Variants in ZMIZ1 observed in about 807,000 individuals in gnomAD.
The protein encoded by ZMIZ1 is zinc finger MIZ-type containing 1, also known as zinc finger MIZ domain-containing protein 1.
A neutral mutation model predicts 113.9 loss-of-function variants in ZMIZ1; 17 were observed. The observed-to-expected ratio is 0.15, with a 90% CI of 0.10 to 0.22. ZMIZ1 has a LOEUF of 0.22. Among genes scored for constraint, ZMIZ1 ranks in the 10% least tolerant of loss-of-function variants. ZMIZ1 has a pLI of 1.00. For missense variants in ZMIZ1, 1,059 were observed against 1,477.8 expected (o/e 0.72, Z 4.65); for synonymous variants, 607 against 603.1 (o/e 1.01, Z -0.09).
At chr10:79,274,619 G>A (rs966043451) in intron 7 of ZMIZ1, among the ~76,000 whole-genome samples, 1 of 135,134 alleles carries the variant, frequency 7.4e-6, no homozygotes, top group Non-Finnish European at 1.7e-5. Flanking sequence ...CCCGCATGCG[G>A]CTGCCAGCGT....
intron 4 of ZMIZ1, among the ~76,000 whole-genome samples, chr10:79,164,997 TA>T (rs1337382038): frequency 5.3e-5 from 8 of 151,642 alleles, no homozygotes; most frequent in Non-Finnish European, 2.9e-5. Context: ...TGCATGGACA[TA>T]GGGGCACTGA....
intron 4 of ZMIZ1, among the ~76,000 whole-genome samples, chr10:79,183,656 C>A (rs1455012814): frequency 6.6e-6 from 1 of 152,218 alleles, no homozygotes; most frequent in Non-Finnish European, 1.5e-5. Context: ...TAGCAATGCC[C>A]TTGGCTGTGT....
rs1854126830 is a variant in ZMIZ1 at position 79,299,200 on chromosome 10, CAGGGCAGG to C, written c.1808+10_1808+17del. 6.3e-7 allele frequency: 1 copy of C among 1,599,532 alleles called. No homozygotes were observed. The highest frequency in any genetic ancestry group is 8.5e-7 in the Non-Finnish European group (1 of 1,177,108). The stretch of plus-strand genomic sequence containing the variant: ...CAGACGCTGATGTGGAGGTGCGTGT[CAGGGCAGG>C]GGCGCCAGCCCAGGCGGGATGAAGG... On this transcript the variant is annotated intron_variant, in intron 16 of 24. Coordinates refer to ENST00000334512, the MANE Select transcript of ZMIZ1 (RefSeq NM_020338.4).
At chr10:79,133,910 T>C (rs1844880785) in intron 2 of ZMIZ1, among the ~76,000 whole-genome samples, 2 of 152,248 alleles carry the variant, frequency 1.3e-5, no homozygotes, top group African/African-American at 4.8e-5. Context: ...CTAATTACCA[T>C]TCATTTTGCA....
intron 7 of ZMIZ1, among the ~76,000 whole-genome samples, chr10:79,266,132 C>T (rs1851588091): frequency 6.6e-6 from 1 of 152,232 alleles, no homozygotes; most frequent in South Asian, 2.1e-4. Context: ...GCAGTGCCCA[C>T]CCCCTGTCTT....
chr10:79,097,253 C>T (rs185031490), intron 1 of ZMIZ1, among the ~76,000 whole-genome samples: 42 of 152,350 alleles, frequency 2.8e-4, no homozygotes, highest in African/African-American at 9.6e-4. Context: ...TTCTGCCTCC[C>T]ACCGGCCACC....
At chr10:79,131,981 C>CT (rs1298488393) in intron 2 of ZMIZ1, among the ~76,000 whole-genome samples, 1 of 152,198 alleles carries the variant, frequency 6.6e-6, no homozygotes, top group African/African-American at 2.4e-5. Context: ...GCTGAAAGAC[C>CT]TTTGAGCACT....
At chr10:79,181,350 T>C (rs1308926923) in intron 4 of ZMIZ1, among the ~76,000 whole-genome samples, 1 of 152,234 alleles carries the variant, frequency 6.6e-6, no homozygotes, top group African/African-American at 2.4e-5. Context: ...GGTGAGCGGC[T>C]GGGCAGATGC....
intron 7 of ZMIZ1, among the ~76,000 whole-genome samples, chr10:79,225,892 C>G (rs2132756497): frequency 6.6e-6 from 1 of 152,320 alleles, no homozygotes. Flanking sequence ...CATTTCTCTG[C>G]CTTCACGGCT....
chr10:79,261,519 T>A (rs937662107), intron 7 of ZMIZ1, among the ~76,000 whole-genome samples: 9 of 152,192 alleles, frequency 5.9e-5, no homozygotes, highest in Admixed American at 4.6e-4. Flanking sequence ...GAACTGCAGA[T>A]GGCCCAGGCT....
Position 79,118,064 on chromosome 10 carries a change from A to G in ZMIZ1, c.-336-851A>G, listed in dbSNP as rs1339937753. ...CCACACAGCCTCCATCCCTGAGGAG[A>G]TTTGGACTTCACTCCAGCCTTGCCT... On this transcript the variant is annotated intron_variant, in intron 1 of 24. Transcript: ENST00000334512. This position sits in a 1 kb window ranked among gnomAD's most constrained non-coding sequence, Gnocchi z 4.1. 6.6e-6 allele frequency among the ~76,000 whole-genome samples: 1 copy of G among 152,142 alleles called. No individual in the cohort carries two copies. The highest frequency in any genetic ancestry group is 1.9e-4 in the East Asian group (1 of 5,190).
chr10:79,104,500 A>G (rs1026015100), intron 1 of ZMIZ1, among the ~76,000 whole-genome samples: 1 of 152,210 alleles, frequency 6.6e-6, no homozygotes, highest in African/African-American at 2.4e-5. Flanking sequence ...GGTACAATAG[A>G]CGTCACTGAG....
At chr10:79,207,421 T>G (rs967261552) in intron 5 of ZMIZ1, among the ~76,000 whole-genome samples, 2 of 152,204 alleles carry the variant, frequency 1.3e-5, no homozygotes, top group Admixed American at 1.3e-4. Flanking sequence ...CCACATCTTT[T>G]GTCTCCTGGA....
intron 24 of ZMIZ1, among the ~76,000 whole-genome samples, chr10:79,311,695 A>T (rs1855179507): frequency 6.6e-6 from 1 of 151,970 alleles, no homozygotes; most frequent in African/African-American, 2.4e-5. Flanking sequence ...GTGGGGGCAG[A>T]GGGGGCAGCC....
intron 7 of ZMIZ1, among the ~76,000 whole-genome samples, chr10:79,270,144 G>GC (rs1195856432): frequency 2.0e-5 from 3 of 152,220 alleles, no homozygotes; most frequent in Non-Finnish European, 2.9e-5. Flanking sequence ...AGGACCAGCT[G>GC]CCCCGGCATC....
intron 7 of ZMIZ1, among the ~76,000 whole-genome samples, chr10:79,248,424 C>T (rs566397031): frequency 6.6e-6 from 1 of 152,122 alleles, no homozygotes; most frequent in Non-Finnish European, 1.5e-5. Flanking sequence ...TGCTGCAACA[C>T]CTTCAGGGCA....
intron 3 of ZMIZ1, among the ~76,000 whole-genome samples, chr10:79,143,967 T>G (rs1845377293): frequency 6.6e-6 from 1 of 152,110 alleles, no homozygotes; most frequent in Non-Finnish European, 1.5e-5. Context: ...CTCCTCTCCC[T>G]CGGGAAAGTC....
In ZMIZ1 at chr10:79,296,540, C is replaced by T; in HGVS notation, c.1300C>T (p.Pro434Ser). 3 of 1,613,762 alleles carry T rather than the reference C, an allele frequency of 1.9e-6. No individual in the cohort carries two copies. Among genetic ancestry groups the T allele is most frequent in the Non-Finnish European group, 1.7e-6 (2 of 1,179,768 alleles). The change falls in exon 13 of 25, where the codon CCC (proline) becomes TCC (serine). Residue 434 changes from proline (P) to serine (S), a missense_variant. Transcript: ENST00000334512. This position sits in a 1 kb window ranked among gnomAD's most constrained non-coding sequence, Gnocchi z 4.1. ...CACCCAGCCAGGCCAGTACCCAGCC[C>T]CCAACCCCCCGAGGCCACTCACCTC... Reference protein sequence around the residue: ...FPTQPGQYPAPNPPRPLTSPN... With the variant: ...FPTQPGQYPASNPPRPLTSPN...
chr10:79,259,581 C>T (rs1213585075), intron 7 of ZMIZ1, among the ~76,000 whole-genome samples: 1 of 151,910 alleles, frequency 6.6e-6, no homozygotes, highest in Non-Finnish European at 1.5e-5. Flanking sequence ...AGAATTTCCC[C>T]AAACCCCAGA....
Sources: allele counts gnomAD v4.1 joint callset (sites outside exome capture counted in the v4.1 genomes callset), GRCh38; gene constraint gnomAD v4.1.1; non-coding constraint Gnocchi (gnomAD v3.1); transcripts MANE v1.5; gene names NCBI Gene and HGNC (gene_info 2026-07-23, HGNC 2026-07-21).